Variants in CSN1S1 observed in about 807,000 individuals in gnomAD.
CSN1S1 encodes the protein casein alpha s1, also known as alpha-S1-casein.
A neutral mutation model predicts 49.1 loss-of-function variants in CSN1S1; 63 were observed. That is an observed-to-expected ratio of 1.28 (90% confidence interval 1.05 to 1.58). CSN1S1 has a LOEUF of 1.58. Among genes scored for constraint, CSN1S1 ranks in the 40% most tolerant of loss-of-function variants. CSN1S1 has a pLI of 0.00. For missense variants in CSN1S1, 260 were observed against 224.7 expected, an observed-to-expected ratio of 1.16 and a Z score of -1.01; for synonymous variants, 78 against 67.1, an observed-to-expected ratio of 1.16 and a Z score of -0.79.
intron 3 of CSN1S1, 55 bp downstream of exon 3, chr4:69,934,299 C>T (rs1560385846): frequency 2.0e-6 from 3 of 1,514,960 alleles, no homozygotes; most frequent in Non-Finnish European, 1.8e-6. Flanking sequence ...AGCACAAACT[C>T]CAAATGTGCG....
intron 9 of CSN1S1, among the ~76,000 whole-genome samples, chr4:69,938,411 T>C (rs1032762149): frequency 2.0e-5 from 3 of 150,780 alleles, no homozygotes; most frequent in Non-Finnish European, 4.4e-5. Context: ...TCAATTACTT[T>C]TGCACCAACT....
intron 14 of CSN1S1, among the ~76,000 whole-genome samples, chr4:69,944,381 A>C (rs1723081423): frequency 6.6e-6 from 1 of 151,956 alleles, no homozygotes; most frequent in African/African-American, 2.4e-5. Flanking sequence ...TTAAAGAATT[A>C]TTATTTTTTT....
chr4:69,939,656 A>G lies in CSN1S1; in HGVS notation c.277-365A>G, dbSNP rs28388277. On this transcript the variant is annotated intron_variant, in intron 10 of 15. Coordinates refer to ENST00000246891, the MANE Select transcript of CSN1S1 (RefSeq NM_001890.2). ...TTGCCCTGTGTTAATCTTGAGAAAA[A>G]AAGTCAGCCTACAAAAAAAGTGGTG... Among the ~76,000 whole-genome samples the G allele has an allele frequency of 2.2e-3, 335 of 151,814 alleles. 2 individuals are homozygous for G. Among genetic ancestry groups the G allele is most frequent in the African/African-American group, 7.7e-3 (319 of 41,484 alleles).
At chr4:69,935,684 C>T (rs1335135480) in intron 4 of CSN1S1, among the ~76,000 whole-genome samples, 1 of 152,026 alleles carries the variant, frequency 6.6e-6, no homozygotes, top group Non-Finnish European at 1.5e-5. Context: ...TGTACCTAAA[C>T]GTTTGCCTCT....
intron 2 of CSN1S1, among the ~76,000 whole-genome samples, chr4:69,933,521 A>G (rs1396262764): frequency 6.6e-6 from 1 of 152,028 alleles, no homozygotes; most frequent in Non-Finnish European, 1.5e-5. Flanking sequence ...AAGCATCAAT[A>G]GAAAGAAATC....
In CSN1S1 at chr4:69,940,347, C is replaced by T. The variant is rs144443502; in HGVS notation, c.300+303C>T. ...ATTCCCCCTCTAAAAATAAAGCTAG[C>T]GACTTTTTTTATCCCAGTTATCTAA... is the stretch of plus-strand genomic sequence containing the variant. On this transcript the variant is annotated intron_variant, in intron 11 of 15. Transcript: ENST00000246891. Among the ~76,000 whole-genome samples, 380 of 151,738 alleles carry T rather than the reference C, an allele frequency of 2.5e-3. 3 individuals carry two copies. The highest frequency in any genetic ancestry group is 0.022 in the Admixed American group (336 of 15,188).
chr4:69,939,985 GA>G, intron 10 of CSN1S1, 35 bp from the exon 11 acceptor site: 1 of 1,242,264 alleles, frequency 8.0e-7, no homozygotes, highest in South Asian at 1.6e-5. Flanking sequence ...TTAATGTCGT[GA>G]AATTAAAACT....
chr4:69,944,517 A>C (rs984830980), intron 14 of CSN1S1, among the ~76,000 whole-genome samples: 4 of 151,984 alleles, frequency 2.6e-5, no homozygotes, highest in African/African-American at 4.8e-5. Context: ...TTATAACGTA[A>C]ATAATAATGA....
At position 69,944,893 on chromosome 4, in the gene CSN1S1, T is replaced by C; in HGVS notation, c.446T>C (p.Val149Ala). 1 of 1,613,004 alleles carries C rather than the reference T, an allele frequency of 6.2e-7. No individual in the cohort carries two copies. The highest frequency in any genetic ancestry group is 8.5e-7 in the Non-Finnish European group (1 of 1,179,262). Residue 149 changes from valine (V) to alanine (A), a missense_variant, in exon 15 of 16, where the codon GTT (valine) becomes GCT (alanine). By Grantham distance (64) the Val-to-Ala change is moderately conservative. Coordinates refer to ENST00000246891, the MANE Select transcript of CSN1S1 (RefSeq NM_001890.2). Reference sequence around the variant, plus strand: ...CAACTTGCTGCCTACCCCTATGCTGTTTGGTACTATCCACAAATCATGCAG... The same window carrying C: ...CAACTTGCTGCCTACCCCTATGCTGCTTGGTACTATCCACAAATCATGCAG... ...LNQLAAYPYA[V>A]WYYPQIMQYV... is the part of the protein sequence containing the mutation.
At chr4:69,939,626 A>G (rs1432923928) in intron 10 of CSN1S1, among the ~76,000 whole-genome samples, 1 of 151,458 alleles carries the variant, frequency 6.6e-6, no homozygotes. Context: ...GCTACTCTCC[A>G]CTCTTTGCCC....
At position 69,937,153 on chromosome 4, in the gene CSN1S1, C is replaced by A; in HGVS notation, c.219+9C>A. 3 of 1,526,464 alleles carry A rather than the reference C, an allele frequency of 2.0e-6. No homozygotes were observed. The highest frequency in any genetic ancestry group is 1.3e-5 in the South Asian group (1 of 79,478). The allele number at this position is 1,526,464 out of a possible 1,614,324, so 94.6% of individuals were successfully genotyped here. ...GGAATGAGTCTACTCAGGTGAGACC[C>A]TTTGTTTTAAAATTATTAAACCAAT... On this transcript the variant is annotated intron_variant, in intron 8 of 15. Coordinates refer to ENST00000246891, the MANE Select transcript of CSN1S1 (RefSeq NM_001890.2).
intron 3 of CSN1S1, 82 bp from the exon 4 acceptor site, chr4:69,934,608 A>G: frequency 7.6e-7 from 1 of 1,319,984 alleles, no homozygotes; most frequent in Non-Finnish European, 1.1e-6. Flanking sequence ...TACCTCTACC[A>G]CAACTTTCTA....
Position 69,937,813 on chromosome 4 carries a change from C to T in CSN1S1, c.233C>T (p.Ala78Val). 1 of 1,596,926 alleles carries T rather than the reference C, an allele frequency of 6.3e-7. No homozygotes were observed. The highest frequency in any genetic ancestry group is 8.5e-7 in the Non-Finnish European group (1 of 1,173,256). ...RNESTQNCVV[A>V]EPEKMESSIS... ...TTCTTTCTTAAGAACTGTGTTGTGG[C>T]AGAGCCTGAGGTAAGACCCATTCAT... Residue 78 changes from alanine (A) to valine (V), a missense_variant, in exon 9 of 16, where the codon GCA (alanine) becomes GTA (valine). Physicochemically the swap from Ala to Val is moderately conservative, Grantham distance 64. Coordinates refer to ENST00000246891, the MANE Select transcript of CSN1S1 (RefSeq NM_001890.2).
intron 11 of CSN1S1, 35 bp from the exon 12 acceptor site, chr4:69,940,984 T>C: frequency 1.7e-6 from 2 of 1,208,524 alleles, no homozygotes; most frequent in Non-Finnish European, 1.2e-6. Context: ...CTGAATGACA[T>C]CCAAGCAATT....
Position 69,936,565 on chromosome 4 carries a change from G to C in CSN1S1, c.154-1G>C, listed in dbSNP as rs57409592. The stretch of plus-strand genomic sequence containing the variant: ...TACAAGGTACACTTTATTGATTTTA[G>C]CAGAGAAACATTCTGAGAGAAAAAC... On this transcript the variant is annotated splice_acceptor_variant, in intron 6 of 15. Coordinates refer to ENST00000246891, the MANE Select transcript of CSN1S1 (RefSeq NM_001890.2). LOFTEE classifies it high-confidence loss of function. 5,774 of 1,605,732 alleles carry C rather than the reference G, an allele frequency of 3.6e-3. 182 individuals carry two copies. The African/African-American group carries it at 0.067, about 19-fold the overall frequency.
chr4:69,939,194 A>G lies in CSN1S1; in HGVS notation c.262A>G (p.Ser88Gly). 6.3e-7 allele frequency: 1 copy of G among 1,599,296 alleles called. No individual in the cohort carries two copies. Among genetic ancestry groups the G allele is most frequent in the Non-Finnish European group, 8.6e-7 (1 of 1,169,566 alleles). Residue 88 changes from serine to glycine, a missense_variant, in exon 10 of 16, where the codon AGT becomes GGT. Ser to Gly is a moderately conservative substitution (Grantham distance 56, BLOSUM62 0). Transcript: ENST00000246891. The stretch of plus-strand genomic sequence containing the variant: ...CTTTTAGAAGATGGAATCCAGCATC[A>G]GTTCATCGAGTGAGGTAAATAATTT... ...AEPEKMESSI[S>G]SSSEEMSLSK...
intron 14 of CSN1S1, among the ~76,000 whole-genome samples, chr4:69,943,384 C>T (rs1723044782): frequency 6.6e-6 from 1 of 151,832 alleles, no homozygotes; most frequent in Non-Finnish European, 1.5e-5. Flanking sequence ...AGGTTTTCAC[C>T]ATGTTGGCCA....
chr4:69,933,374 C>T (rs1466657948), intron 2 of CSN1S1, among the ~76,000 whole-genome samples: 1 of 151,910 alleles, frequency 6.6e-6, no homozygotes, highest in African/African-American at 2.4e-5. Context: ...TTATCTCATA[C>T]AGAAGAAAAA....
At chr4:69,942,370 A>T (rs1722998916) in intron 13 of CSN1S1, 166 bp from the exon 14 acceptor site, 1 of 669,634 alleles carries the variant, frequency 1.5e-6, no homozygotes, top group Non-Finnish European at 2.5e-6. Context: ...TTTTTCTGAC[A>T]TTAGAAAATA....
Sources: allele counts gnomAD v4.1 joint callset (sites outside exome capture counted in the v4.1 genomes callset), GRCh38; gene constraint gnomAD v4.1.1; transcripts MANE v1.5; gene names NCBI Gene and HGNC (gene_info 2026-07-23, HGNC 2026-07-21).